YAP1: variants seen among roughly 807,000 people sequenced by gnomAD.
YAP1 encodes Yes1 associated transcriptional regulator, also known as transcriptional coactivator YAP1.
In YAP1, 5 loss-of-function variants were observed where a neutral mutation model predicts 56.9. That is an observed-to-expected ratio of 0.09 (90% CI 0.05 to 0.18). The LOEUF (loss-of-function observed/expected upper bound fraction) is 0.18, where lower values mean the gene tolerates loss of function less well. Ranked by LOEUF, YAP1 falls within the 10% of genes least tolerant of loss-of-function variation. YAP1 has a pLI of 1.00. For missense variants in YAP1, 539 were observed against 651.8 expected (o/e 0.83, Z 1.88); for synonymous variants, 265 against 248.1 (o/e 1.07, Z -0.64).
intron 2 of YAP1, among the ~76,000 whole-genome samples, chr11:102,158,700 A>T (rs2090951696): frequency 6.6e-6 from 1 of 152,186 alleles, no homozygotes; most frequent in African/African-American, 2.4e-5. Flanking sequence ...TATTTTACTA[A>T]CCTACATGAG....
chr11:102,215,765 C>T (rs552971281), intron 6 of YAP1, among the ~76,000 whole-genome samples: 3 of 152,176 alleles, frequency 2.0e-5, no homozygotes, highest in Non-Finnish European at 1.5e-5. Context: ...AGTCATGAGC[C>T]ACTGCGCCTG....
chr11:102,166,999 C>G (rs559556221), intron 3 of YAP1, among the ~76,000 whole-genome samples: 2 of 152,230 alleles, frequency 1.3e-5, no homozygotes, highest in African/African-American at 4.8e-5. Context: ...ATTTTGTTTT[C>G]TAATTGGCTT....
At chr11:102,112,939 T>C (rs1943051746) in intron 1 of YAP1, among the ~76,000 whole-genome samples, 1 of 152,242 alleles carries the variant, frequency 6.6e-6, no homozygotes, top group Non-Finnish European at 1.5e-5. Flanking sequence ...TAAATAATTT[T>C]TACAAGAATT....
intron 4 of YAP1, 117 bp from the exon 5 acceptor site, chr11:102,205,776 C>G (rs1452702664): frequency 2.0e-6 from 2 of 992,156 alleles, no homozygotes; most frequent in Non-Finnish European, 2.8e-6. Context: ...TATTTCCAGT[C>G]TTCCTGCCCA....
intron 2 of YAP1, among the ~76,000 whole-genome samples, chr11:102,132,923 C>G (rs188163031): frequency 4.6e-5 from 7 of 152,296 alleles, no homozygotes; most frequent in Admixed American, 2.0e-4. Context: ...CTTTGGGAGG[C>G]CGAGGCAGGA....
chr11:102,137,127 A>G (rs527560041), intron 2 of YAP1, among the ~76,000 whole-genome samples: 4 of 152,324 alleles, frequency 2.6e-5, no homozygotes, highest in East Asian at 3.9e-4. Context: ...TTTAATGTAA[A>G]TGTTTCTATA....
At chr11:102,120,341 T>G (rs569837248) in intron 2 of YAP1, among the ~76,000 whole-genome samples, 2 of 152,322 alleles carry the variant, frequency 1.3e-5, no homozygotes, top group South Asian at 4.2e-4. Flanking sequence ...TAATCCTCAT[T>G]TTGCTCCTAG....
chr11:102,150,566 A>C (rs1426161694), intron 2 of YAP1, among the ~76,000 whole-genome samples: 1 of 152,124 alleles, frequency 6.6e-6, no homozygotes, highest in African/African-American at 2.4e-5. Context: ...TCTCCCTTTA[A>C]ATGACATCCT....
intron 7 of YAP1, among the ~76,000 whole-genome samples, chr11:102,225,133 C>A (rs1048509029): frequency 2.0e-5 from 3 of 151,876 alleles, no homozygotes; most frequent in African/African-American, 4.8e-5. Context: ...TCTGCAGTAC[C>A]CCCAGTTTCT....
At chr11:102,197,223 C>CT (rs1275929869) in intron 4 of YAP1, among the ~76,000 whole-genome samples, 2 of 152,056 alleles carry the variant, frequency 1.3e-5, no homozygotes, top group African/African-American at 4.8e-5. Flanking sequence ...TATAGCTATG[C>CT]TAATATGGAA....
chr11:102,118,179 T>G (rs1382245614), intron 2 of YAP1, among the ~76,000 whole-genome samples: 1 of 152,222 alleles, frequency 6.6e-6, no homozygotes, highest in Non-Finnish European at 1.5e-5. Flanking sequence ...TTGCATTGTT[T>G]TAATAATGTT....
chr11:102,170,992 T>A (rs1214658841), intron 3 of YAP1, among the ~76,000 whole-genome samples: 4 of 151,484 alleles, frequency 2.6e-5, no homozygotes, highest in Non-Finnish European at 4.4e-5. Context: ...AAAAAAAAAA[T>A]TTAGATCCAT....
intron 6 of YAP1, among the ~76,000 whole-genome samples, chr11:102,220,973 G>A (rs560847039): frequency 1.3e-5 from 2 of 152,296 alleles, no homozygotes; most frequent in African/African-American, 4.8e-5. Flanking sequence ...CTCAAAACAT[G>A]ACTTAAGATT....
chr11:102,142,995 T>C (rs1945106337), intron 2 of YAP1, among the ~76,000 whole-genome samples: 1 of 152,220 alleles, frequency 6.6e-6, no homozygotes, highest in Non-Finnish European at 1.5e-5. Context: ...CTCTTCATAG[T>C]TAACTGTTTT....
At chr11:102,136,357 T>C (rs1422434523) in intron 2 of YAP1, among the ~76,000 whole-genome samples, 1 of 151,978 alleles carries the variant, frequency 6.6e-6, no homozygotes, top group African/African-American at 2.4e-5. Context: ...CTTTTTTTTT[T>C]TTTTTAAAAC....
At chr11:102,206,322 G>A (rs1255502592) in intron 5 of YAP1, among the ~76,000 whole-genome samples, 2 of 152,150 alleles carry the variant, frequency 1.3e-5, no homozygotes, top group East Asian at 3.8e-4. Context: ...CATGGTCATT[G>A]CAATTGAGCA....
chr11:102,174,394 C>T (rs190207919), intron 3 of YAP1, among the ~76,000 whole-genome samples: 9 of 152,074 alleles, frequency 5.9e-5, no homozygotes, highest in Admixed American at 5.9e-4. Context: ...GTCAACAGAT[C>T]GAGACCATCC....
At position 102,221,949 on chromosome 11, in the gene YAP1, AT is replaced by A. The variant is rs577822790; in HGVS notation, c.1033-1660del. ...CAAATTTAGCGAAAGTTAATGTGTA[AT>A]TTTTTTTTTTTTACCCCATTGAAGT... On this transcript the variant is annotated intron_variant, in intron 6 of 8. Coordinates refer to ENST00000282441, the MANE Select transcript of YAP1 (RefSeq NM_001130145.3). Among the ~76,000 whole-genome samples the A allele has an allele frequency of 1.0e-3, 153 of 146,700 alleles. 1 individual carries two copies. The highest frequency in any genetic ancestry group is 3.4e-3 in the Middle Eastern group (1 of 290).
chr11:102,165,064 A>G (rs1946520570), intron 3 of YAP1, among the ~76,000 whole-genome samples: 1 of 152,072 alleles, frequency 6.6e-6, no homozygotes, highest in South Asian at 2.1e-4. Context: ...GTTTTATTTC[A>G]GCTGTATGTC....
Sources: gnomAD v4.1 joint callset for allele counts (sites outside exome capture counted in the v4.1 genomes callset) on GRCh38, gnomAD v4.1.1 for gene constraint, MANE v1.5 for transcripts, NCBI Gene and HGNC (gene_info 2026-07-23, HGNC 2026-07-21) for gene names.